The following KRABD3 variants were observed in gnomAD, a reference collection of about 807,000 sequenced individuals.
KRABD3 encodes KRAB domain-containing protein 3.
the KRABD3 span, among the ~76,000 whole-genome samples, chr7:149,717,270 C>T: frequency 5.3e-5 from 8 of 152,300 alleles, no homozygotes; most frequent in African/African-American, 9.6e-5. Flanking sequence ...GCACACACCA[C>T]GTCATTTGCT....
chr7:149,732,645 A>G, the KRABD3 span, among the ~76,000 whole-genome samples: 46 of 152,198 alleles, frequency 3.0e-4, no homozygotes, highest in Non-Finnish European at 5.3e-4. The surrounding 1 kb of genome is among the most constrained non-coding windows in gnomAD (Gnocchi z 4.0). Flanking sequence ...TATGACTCCT[A>G]TGAATCTGTA....
chr7:149,717,463 C>A, the KRABD3 span, among the ~76,000 whole-genome samples: 1 of 152,236 alleles, frequency 6.6e-6, no homozygotes, highest in African/African-American at 2.4e-5. Context: ...TTCTCTGTTC[C>A]AAGATGCTAG....
the KRABD3 span, chr7:149,724,037 G>A: frequency 1.2e-6 from 1 of 821,948 alleles, no homozygotes; most frequent in Non-Finnish European, 1.9e-6. Flanking sequence ...GATCCCCACT[G>A]TGTAAGTGGA....
the KRABD3 span, chr7:149,733,934 G>C: frequency 1.3e-6 from 2 of 1,596,778 alleles, no homozygotes; most frequent in Non-Finnish European, 8.5e-7. Context: ...GGCACCAGAC[G>C]GGATCCCAGA....
the KRABD3 span, chr7:149,731,635 G>A: frequency 1.9e-5 from 28 of 1,508,036 alleles, no homozygotes; most frequent in East Asian, 7.0e-5. Flanking sequence ...CCAAACGATC[G>A]TCTCCCTGCC....
chr7:149,719,932 C>T, the KRABD3 span: 1 of 1,455,586 alleles, frequency 6.9e-7, no homozygotes, highest in African/African-American at 1.4e-5. This position sits in a 1 kb window ranked among gnomAD's most constrained non-coding sequence, Gnocchi z 5.6. Flanking sequence ...CCTGCAGGGG[C>T]CTGGGCTGCT....
the KRABD3 span, chr7:149,721,303 G>T: frequency 6.7e-7 from 1 of 1,493,054 alleles, no homozygotes. Flanking sequence ...ACATGGCAAG[G>T]AAAGGACCCA....
At chr7:149,724,765 C>T in the KRABD3 span, 2 of 1,576,764 alleles carry the variant, frequency 1.3e-6, no homozygotes, top group Admixed American at 3.6e-5. Context: ...TGCATCCTGT[C>T]AGCCTGGCAG....
chr7:149,731,038 A>G, the KRABD3 span, among the ~76,000 whole-genome samples: 1 of 152,134 alleles, frequency 6.6e-6, no homozygotes, highest in Non-Finnish European at 1.5e-5. Flanking sequence ...GTTTGCTCCT[A>G]GCAGAAAAAG....
At chr7:149,714,998 GC>G in the KRABD3 span, 1 of 1,214,838 alleles carries the variant, frequency 8.2e-7, no homozygotes, top group East Asian at 3.2e-5. Context: ...GGTCGCGTGC[GC>G]CCGCGCCAGG....
the KRABD3 span, among the ~76,000 whole-genome samples, chr7:149,720,547 A>T: frequency 6.6e-6 from 1 of 152,234 alleles, no homozygotes; most frequent in Non-Finnish European, 1.5e-5. Flanking sequence ...GAAGAAGTGT[A>T]GCGGCAGCCC....
At chr7:149,729,533 G>C in the KRABD3 span, 9 of 985,450 alleles carry the variant, frequency 9.1e-6, no homozygotes, top group Non-Finnish European at 1.1e-5. Flanking sequence ...CGCTAAACAA[G>C]AAGATAAAGT....
At chr7:149,728,653 G>C in the KRABD3 span, 1 of 1,613,584 alleles carries the variant, frequency 6.2e-7, no homozygotes, top group Non-Finnish European at 8.5e-7. Flanking sequence ...CAGAGCCCAG[G>C]AACTGGACAG....
chr7:149,722,208 G>A, the KRABD3 span, among the ~76,000 whole-genome samples: 5 of 152,152 alleles, frequency 3.3e-5, no homozygotes, highest in African/African-American at 1.2e-4. Flanking sequence ...TCCGAGGCTG[G>A]GCTCAGGGGG....
chr7:149,731,836 G>A, the KRABD3 span: 1 of 1,300,428 alleles, frequency 7.7e-7, no homozygotes, highest in Non-Finnish European at 1.1e-6. Flanking sequence ...CCCCAGCTTG[G>A]GGAAAACAGC....
chr7:149,715,222 G>C, the KRABD3 span: 14 of 1,216,714 alleles, frequency 1.2e-5, no homozygotes, highest in African/African-American at 1.6e-5. Flanking sequence ...TCAGGTCCTC[G>C]GACAACCTCT....
At chr7:149,720,201 G>A in the KRABD3 span, 1 of 1,507,516 alleles carries the variant, frequency 6.6e-7, no homozygotes, top group Non-Finnish European at 9.0e-7. Context: ...CGTGACCTCA[G>A]CCTACTCAGT....
chr7:149,733,670 G>T, the KRABD3 span: 5 of 1,586,642 alleles, frequency 3.2e-6, no homozygotes, highest in Non-Finnish European at 4.3e-6. Flanking sequence ...ACTCTCCAGA[G>T]GGACCGCTCG....
the KRABD3 span, among the ~76,000 whole-genome samples, chr7:149,726,651 T>C: frequency 6.6e-6 from 1 of 152,068 alleles, no homozygotes; most frequent in Non-Finnish European, 1.5e-5. Context: ...TTGGCCAGGC[T>C]GGTCTCGAAC....
Sources: allele counts gnomAD v4.1 joint callset (sites outside exome capture counted in the v4.1 genomes callset), GRCh38; gene constraint gnomAD v4.1.1; non-coding constraint Gnocchi (gnomAD v3.1); transcripts MANE v1.5; gene names NCBI Gene and HGNC (gene_info 2026-07-23, HGNC 2026-07-21).